Variants in NEBL observed in about 807,000 individuals in gnomAD.
NEBL encodes nebulette.
NEBL carries 122 observed loss-of-function variants against 140.2 expected under a neutral mutation model. The observed-to-expected ratio is 0.87, with a 90% CI of 0.75 to 1.01. NEBL has a LOEUF of 1.01. Ranked by LOEUF, NEBL falls within the 50% of genes least tolerant of loss-of-function variation. NEBL has a pLI of 0.00. For synonymous variants in NEBL, 436 were observed against 398.9 expected, an observed-to-expected ratio of 1.09 and a Z score of -1.11; for missense variants, 1,365 against 1,231.3, an observed-to-expected ratio of 1.11 and a Z score of -1.62.
intron 17 of NEBL, among the ~76,000 whole-genome samples, chr10:20,827,428 C>T (rs1839983674): frequency 6.6e-6 from 1 of 152,222 alleles, no homozygotes; most frequent in African/African-American, 2.4e-5. Context: ...AGAGCTGGCG[C>T]TTGCCAACTA....
intron 2 of NEBL, among the ~76,000 whole-genome samples, chr10:21,150,936 A>G (rs1381651938): frequency 1.3e-5 from 2 of 152,198 alleles, no homozygotes; most frequent in South Asian, 4.1e-4. Context: ...TCGATGCTCA[A>G]AAGAGGTGAG....
intron 2 of NEBL, among the ~76,000 whole-genome samples, chr10:21,048,718 G>A (rs952984278): frequency 6.6e-5 from 10 of 152,148 alleles, no homozygotes; most frequent in Admixed American, 2.0e-4. Flanking sequence ...GGTCTAGGCC[G>A]GGCACAGAGG....
At chr10:20,841,274 G>T in intron 12 of NEBL, 1 of 169,140 alleles carries the variant, frequency 5.9e-6, no homozygotes, top group Non-Finnish European at 1.3e-5. Flanking sequence ...TGTAGCCAAA[G>T]GTTTTTTTTA....
At chr10:21,000,925 G>A (rs546109538) in intron 3 of NEBL, among the ~76,000 whole-genome samples, 3 of 152,272 alleles carry the variant, frequency 2.0e-5, no homozygotes, top group African/African-American at 7.2e-5. Flanking sequence ...AAAAAGGGAA[G>A]AAGCCCAGAT....
chr10:21,151,563 C>A (rs1265895283), intron 2 of NEBL, among the ~76,000 whole-genome samples: 1 of 152,166 alleles, frequency 6.6e-6, no homozygotes, highest in Non-Finnish European at 1.5e-5. Flanking sequence ...CTGCTCAACA[C>A]CCCAGCAACT....
chr10:21,166,974 A>T (rs903068766), intron 2 of NEBL, among the ~76,000 whole-genome samples: 1 of 152,186 alleles, frequency 6.6e-6, no homozygotes, highest in Non-Finnish European at 1.5e-5. Context: ...GTGTCCTCTG[A>T]TTACCCTTAG....
At chr10:20,834,326 G>A (rs776205359) in intron 14 of NEBL, among the ~76,000 whole-genome samples, 9 of 152,118 alleles carry the variant, frequency 5.9e-5, no homozygotes, top group Non-Finnish European at 1.2e-4. Context: ...TATCTCTCAG[G>A]ACGAGAACAG....
chr10:20,912,189 T>C (rs1848356615), intron 4 of NEBL, among the ~76,000 whole-genome samples: 1 of 152,256 alleles, frequency 6.6e-6, no homozygotes, highest in South Asian at 2.1e-4. Context: ...ATTTTTTATA[T>C]TGCTTCTGTT....
intron 2 of NEBL, among the ~76,000 whole-genome samples, chr10:21,143,522 A>G (rs1458519046): frequency 2.0e-5 from 3 of 152,120 alleles, no homozygotes; most frequent in Non-Finnish European, 4.4e-5. Flanking sequence ...ATTCAATGCA[A>G]TAAGTACAAC....
At chr10:20,982,984 A>C (rs1837114685) in intron 3 of NEBL, among the ~76,000 whole-genome samples, 1 of 152,198 alleles carries the variant, frequency 6.6e-6, no homozygotes, top group Non-Finnish European at 1.5e-5. Context: ...CAAAAAAAAT[A>C]AAGAAAATGT....
intron 2 of NEBL, among the ~76,000 whole-genome samples, chr10:21,250,756 C>CA (rs989277156): frequency 4.9e-4 from 74 of 150,812 alleles, no homozygotes; most frequent in African/African-American, 1.6e-3. Flanking sequence ...ACTAAAAATA[C>CA]AAAAAAAAAT....
intron 9 of NEBL, 115 bp downstream of exon 9, chr10:20,858,125 G>C: frequency 1.3e-6 from 1 of 791,080 alleles, no homozygotes; most frequent in South Asian, 1.4e-5. Flanking sequence ...TAGTTAACGA[G>C]GGAGGAGTGA....
At chr10:21,125,791 T>C in intron 2 of NEBL, 2 of 1,480,802 alleles carry the variant, frequency 1.4e-6, no homozygotes, top group South Asian at 2.4e-5. Context: ...TTATTGTATA[T>C]GGTATGGTAT....
At chr10:21,108,322 C>G (rs937626795) in intron 2 of NEBL, among the ~76,000 whole-genome samples, 5 of 152,200 alleles carry the variant, frequency 3.3e-5, no homozygotes, top group Admixed American at 3.3e-4. Context: ...TCCCTCTACA[C>G]ACTGCTTTAA....
intron 3 of NEBL, among the ~76,000 whole-genome samples, chr10:21,223,064 T>C (rs1842095667): frequency 6.6e-6 from 1 of 152,198 alleles, no homozygotes; most frequent in Non-Finnish European, 1.5e-5. Flanking sequence ...CGCCTGGCTC[T>C]TTTAGTTATT....
At chr10:20,994,141 C>G (rs1478708790) in intron 3 of NEBL, among the ~76,000 whole-genome samples, 8 of 152,326 alleles carry the variant, frequency 5.3e-5, no homozygotes, top group Non-Finnish European at 8.8e-5. Context: ...TCTTTCAGTT[C>G]AGCCAGCTAA....
At chr10:21,092,463 T>G (rs1444680986) in intron 2 of NEBL, among the ~76,000 whole-genome samples, 1 of 152,152 alleles carries the variant, frequency 6.6e-6, no homozygotes, top group Non-Finnish European at 1.5e-5. Flanking sequence ...TATCACTTCA[T>G]GTATTTGAAG....
intron 1 of NEBL, among the ~76,000 whole-genome samples, chr10:21,264,616 C>T (rs373647327): frequency 7.0e-6 from 1 of 141,982 alleles, no homozygotes; most frequent in Non-Finnish European, 1.5e-5. Flanking sequence ...TGTCCAGGCA[C>T]GTTGTTAAGT....
At position 20,977,983 on chromosome 10, in the gene NEBL, G is replaced by C. The variant is rs545847831; in HGVS notation, c.250-16204C>G. On this transcript the variant is annotated intron_variant, in intron 3 of 6. Coordinates refer to the NEBL transcript ENST00000417816. ...AAGAATACAGTATTTTAAGGGAATAGATTACATTGAAAATTAATCTTAAAA... is the reference window on the plus strand; with the variant it reads ...AAGAATACAGTATTTTAAGGGAATACATTACATTGAAAATTAATCTTAAAA... 4.7e-4 allele frequency among the ~76,000 whole-genome samples: 71 copies of C among 152,202 alleles called. 1 individual carries two copies. The highest frequency in any genetic ancestry group is 2.7e-3 in the Admixed American group (42 of 15,282).
Sources: gnomAD v4.1 joint callset for allele counts (sites outside exome capture counted in the v4.1 genomes callset) on GRCh38, gnomAD v4.1.1 for gene constraint, MANE v1.5 for transcripts, NCBI Gene and HGNC (gene_info 2026-07-23, HGNC 2026-07-21) for gene names.